GRIK2: variants seen among roughly 807,000 people sequenced by gnomAD.
GRIK2 encodes glutamate receptor ionotropic, kainate 2.
A neutral mutation model predicts 100.3 loss-of-function variants in GRIK2; 32 were observed. The ratio of observed to expected loss-of-function variants is 0.32; its 90% CI spans 0.24 to 0.43. GRIK2 has a LOEUF of 0.43. Among genes scored for constraint, GRIK2 ranks in the 20% least tolerant of loss-of-function variants. The pLI, the probability that GRIK2 is intolerant of heterozygous loss-of-function variation, is 1.00. For synonymous variants in GRIK2, 417 were observed against 389.4 expected, an observed-to-expected ratio of 1.07 and a Z score of -0.83; for missense variants, 843 against 1,114.9, an observed-to-expected ratio of 0.76 and a Z score of 3.47.
chr6:101,513,919 T>C (rs866106621), intron 2 of GRIK2, among the ~76,000 whole-genome samples: 5 of 151,938 alleles, frequency 3.3e-5, no homozygotes, highest in African/African-American at 1.2e-4. Flanking sequence ...TGAAAGTTAG[T>C]ACAATAGGGA....
chr6:101,873,518 C>T (rs1033486182), intron 11 of GRIK2, among the ~76,000 whole-genome samples: 6 of 151,782 alleles, frequency 4.0e-5, no homozygotes, highest in African/African-American at 1.5e-4. Flanking sequence ...GAGTTGGTTC[C>T]TAGTCTTTGC....
chr6:101,982,417 A>G (rs1372419526), intron 14 of GRIK2, among the ~76,000 whole-genome samples: 9 of 151,814 alleles, frequency 5.9e-5, no homozygotes, highest in Admixed American at 4.0e-4. Flanking sequence ...ATGGTAGTTA[A>G]GTTGCTCAGT....
chr6:101,661,872 G>T (rs1334188508), intron 4 of GRIK2, among the ~76,000 whole-genome samples: 1 of 152,114 alleles, frequency 6.6e-6, no homozygotes, highest in Admixed American at 6.5e-5. Context: ...CTTCTGCATT[G>T]ATCTCTCTGG....
chr6:101,774,443 G>T lies in GRIK2; in HGVS notation c.952-25205G>T, dbSNP rs6918149. Among the ~76,000 whole-genome samples, 1,217 of 152,162 alleles carry T rather than the reference G, an allele frequency of 8.0e-3. 17 individuals are homozygous for T. The highest frequency in any genetic ancestry group is 0.027 in the African/African-American group (1,100 of 41,498). The stretch of plus-strand genomic sequence containing the variant: ...AGCGGTTCCAAATGTAGTAAAAAGC[G>T]GACAAGATTTAACAGGTTCTAAATT... On this transcript the variant is annotated intron_variant, in intron 7 of 16. Coordinates refer to ENST00000369134, the MANE Select transcript of GRIK2 (RefSeq NM_021956.5).
rs746713096 is a variant in GRIK2, at chr6:101,889,624, TTG to T, written c.1525-14_1525-13del. On this transcript the variant is annotated splice_polypyrimidine_tract_variant and intron_variant, in intron 11 of 16. Coordinates refer to ENST00000369134, the MANE Select transcript of GRIK2 (RefSeq NM_021956.5). ...TTCTTTCTTTTTTTTTTTTTTTTGTTTGTTTCTGTCTACAGAAAGCTGACCTT... is the reference window on the plus strand; with the variant it reads ...TTCTTTCTTTTTTTTTTTTTTTTGTTTTTCTGTCTACAGAAAGCTGACCTT... The T allele has an allele frequency of 2.5e-6, 3 of 1,194,992 alleles. No individual in the cohort carries two copies. Among genetic ancestry groups the T allele is most frequent in the South Asian group, 1.6e-5 (1 of 62,504 alleles). The allele number at this position is 1,194,992 out of a possible 1,614,324, so 74.0% of individuals were successfully genotyped here.
At chr6:101,904,350 A>T (rs979216130) in intron 12 of GRIK2, among the ~76,000 whole-genome samples, 1 of 151,490 alleles carries the variant, frequency 6.6e-6, no homozygotes, top group Non-Finnish European at 1.5e-5. Context: ...GAACTTGTGT[A>T]TAGATAACAA....
At chr6:101,677,755 A>T (rs1770946612) in intron 5 of GRIK2, among the ~76,000 whole-genome samples, 1 of 152,146 alleles carries the variant, frequency 6.6e-6, no homozygotes, top group Non-Finnish European at 1.5e-5. Context: ...AAATATTTCT[A>T]CTGGAGAGTT....
intron 7 of GRIK2, among the ~76,000 whole-genome samples, chr6:101,702,949 G>A (rs1302476920): frequency 6.6e-6 from 1 of 151,598 alleles, no homozygotes; most frequent in Non-Finnish European, 1.5e-5. Context: ...AAAAATCAAG[G>A]GTATCCTTTT....
intron 2 of GRIK2, among the ~76,000 whole-genome samples, chr6:101,411,079 G>A (rs966671397): frequency 1.3e-5 from 2 of 151,940 alleles, no homozygotes; most frequent in African/African-American, 2.4e-5. Flanking sequence ...GGTGAAGAAA[G>A]GTGTCCCATT....
intron 7 of GRIK2, among the ~76,000 whole-genome samples, chr6:101,710,415 G>A (rs1435339904): frequency 3.3e-5 from 5 of 151,836 alleles, no homozygotes; most frequent in African/African-American, 9.7e-5. Context: ...AAGATCAAAT[G>A]TGACCATGTT....
At chr6:101,665,637 A>G (rs1278204644) in intron 4 of GRIK2, among the ~76,000 whole-genome samples, 2 of 152,216 alleles carry the variant, frequency 1.3e-5, no homozygotes, top group South Asian at 2.1e-4. Flanking sequence ...TTGCTGTTGG[A>G]TATACAAATA....
intron 14 of GRIK2, among the ~76,000 whole-genome samples, chr6:102,029,044 C>A (rs920038933): frequency 4.6e-5 from 7 of 151,188 alleles, no homozygotes; most frequent in Non-Finnish European, 8.9e-5. Flanking sequence ...GTACTACATT[C>A]TTTTGGAGAG....
At chr6:101,415,159 CA>C (rs1391944672) in intron 2 of GRIK2, among the ~76,000 whole-genome samples, 28 of 151,884 alleles carry the variant, frequency 1.8e-4, no homozygotes, top group Non-Finnish European at 4.0e-4. Context: ...AAAATTAAAA[CA>C]AATATTTTGG....
chr6:101,856,387 T>C (rs1784428289), intron 10 of GRIK2, among the ~76,000 whole-genome samples: 1 of 152,190 alleles, frequency 6.6e-6, no homozygotes, highest in African/African-American at 2.4e-5. Context: ...ATAATGTCTA[T>C]GAGACATAAA....
intron 15 of GRIK2, among the ~76,000 whole-genome samples, chr6:102,051,251 C>CCCTTCCTTCCTTCCTTCCTT (rs369459574): frequency 2.8e-4 from 34 of 122,134 alleles, no homozygotes; most frequent in Non-Finnish European, 3.8e-4. Flanking sequence ...TTCCCTCCCT[C>CCCTTCCTTCCTTCCTTCCTT]CCTTCCTTCC....
At chr6:101,877,784 T>C (rs970293938) in intron 11 of GRIK2, among the ~76,000 whole-genome samples, 2 of 151,888 alleles carry the variant, frequency 1.3e-5, no homozygotes, top group African/African-American at 2.4e-5. Flanking sequence ...TATTTTTCAA[T>C]TCATTGTTCC....
At chr6:101,725,809 G>A (rs896117701) in intron 7 of GRIK2, among the ~76,000 whole-genome samples, 3 of 152,032 alleles carry the variant, frequency 2.0e-5, no homozygotes, top group Admixed American at 2.0e-4. Context: ...CGTTAACTCT[G>A]ATGTTTTTCA....
chr6:101,736,205 T>TG (rs1736778089), intron 7 of GRIK2, among the ~76,000 whole-genome samples: 1 of 152,230 alleles, frequency 6.6e-6, no homozygotes, highest in Admixed American at 6.5e-5. Flanking sequence ...TGGTGTTGAA[T>TG]GTCTGCAGCT....
intron 2 of GRIK2, among the ~76,000 whole-genome samples, chr6:101,456,722 G>A (rs1193556825): frequency 6.6e-6 from 1 of 151,412 alleles, no homozygotes; most frequent in Non-Finnish European, 1.5e-5. Flanking sequence ...AAGAATGTAA[G>A]CTATGTTCTT....
Sources: gnomAD v4.1 joint callset for allele counts (sites outside exome capture counted in the v4.1 genomes callset) on GRCh38, gnomAD v4.1.1 for gene constraint, MANE v1.5 for transcripts, NCBI Gene and HGNC (gene_info 2026-07-23, HGNC 2026-07-21) for gene names.